Variants in TCF7 observed in about 807,000 individuals in gnomAD.
The protein encoded by TCF7 is T-cell-factor-7.
Under a neutral mutation model 46.8 loss-of-function variants are expected in TCF7, and 19 were observed. That is an observed-to-expected ratio of 0.41 (90% CI 0.28 to 0.60). The LOEUF (loss-of-function observed/expected upper bound fraction) is 0.60. Ranked by LOEUF, TCF7 falls within the 20% of genes least tolerant of loss-of-function variation. The pLI is 0.35. For missense variants in TCF7, 547 were observed against 504.6 expected (o/e 1.08, Z -0.81); for synonymous variants, 245 against 213.4 (o/e 1.15, Z -1.29).
At chr5:134,143,791 C>G in intron 9 of TCF7, 151 bp downstream of exon 9, 1 of 800,858 alleles carries the variant, frequency 1.2e-6, no homozygotes, top group Non-Finnish European at 2.0e-6. Context: ...TCTCACAAGT[C>G]AAATTCCCAT....
intron 3 of TCF7, among the ~76,000 whole-genome samples, chr5:134,135,848 C>T (rs1338952377): frequency 6.6e-6 from 1 of 152,172 alleles, no homozygotes; most frequent in Non-Finnish European, 1.5e-5. Context: ...AGGAGTGGCC[C>T]ATGAAGCTGG....
At chr5:134,114,126 T>C (rs1442482635), upstream of TCF7, among the ~76,000 whole-genome samples, 2 of 151,756 alleles carry the variant, frequency 1.3e-5, no homozygotes, top group African/African-American at 2.4e-5. Context: ...CGAAGGGGGG[T>C]ATACTTATGT....
chr5:134,131,307 G>A lies in TCF7; in HGVS notation c.442-6752G>A, dbSNP rs188353915. On this transcript the variant is annotated intron_variant, in intron 3 of 9. Transcript: ENST00000342854. ...CCTTGCTTCCCACATGTGCGAAATGGGAAGAATGTATCATGCCCACCTCAA... is the reference window on the plus strand; with the variant it reads ...CCTTGCTTCCCACATGTGCGAAATGAGAAGAATGTATCATGCCCACCTCAA... Among the ~76,000 whole-genome samples, 9 of 152,338 alleles carry A rather than the reference G, an allele frequency of 5.9e-5. No homozygotes were observed. In the East Asian group the frequency reaches 1.3e-3, roughly 23 times the overall value.
In TCF7 at chr5:134,114,938, C is replaced by T; in HGVS notation, c.32C>T (p.Ala11Val). 9.1e-7 allele frequency: 1 copy of T among 1,098,096 alleles called. No homozygotes were observed. The highest frequency in any genetic ancestry group is 1.1e-6 in the Non-Finnish European group (1 of 891,386). The allele number at this position is 1,098,096 out of a possible 1,614,324, so 68.0% of individuals were successfully genotyped here. The change falls in exon 1 of 10, where the codon GCG (alanine) becomes GTG (valine). Residue 11 changes from alanine (A) to valine (V), a missense_variant. This residue lies in a region of TCF7 where 425 missense variants were observed against 349.9 expected (regional missense o/e 1.21). Coordinates refer to ENST00000342854, the MANE Select transcript of TCF7 (RefSeq NM_003202.5). ...CAGCTGGACTCCGGCGGGGGCGGCG[C>T]GGGCGGCGGCGACGACCTCGGCGCG... is the stretch of plus-strand genomic sequence containing the variant. MPQLDSGGGG[A>V]GGGDDLGAPD...
Position 134,116,030 on chromosome 5 carries a change from G to A in TCF7, c.438G>A (p.Pro146=). Residue 146 remains proline, a synonymous_variant, in exon 3 of 10, where the codon CCG becomes CCA. Transcript: ENST00000342854. ...GAGQHPQPQP[P]LHKANQPPHG... ...GGCAGCACCCCCAGCCGCAGCCCCC[G>A]CTGGTAAGTGGACCCCGCAGCCAGT... The A allele has an allele frequency of 1.2e-6, 2 of 1,611,422 alleles. No homozygotes were observed. Among genetic ancestry groups the A allele is most frequent in the Non-Finnish European group, 1.7e-6 (2 of 1,178,974 alleles).
Position 134,136,320 on chromosome 5 carries a change from T to C in TCF7, c.442-1739T>C, listed in dbSNP as rs116964900. On this transcript the variant is annotated intron_variant, in intron 3 of 9. Transcript: ENST00000342854. Reference sequence around the variant, plus strand: ...CACATACCCTGCAGCTGCCCCAGCCTCTCTTCTTCCTTGCTAGCCACCTAT... The same window carrying C: ...CACATACCCTGCAGCTGCCCCAGCCCCTCTTCTTCCTTGCTAGCCACCTAT... Among the ~76,000 whole-genome samples the C allele has an allele frequency of 4.7e-4, 72 of 152,220 alleles. 1 individual carries two copies. In the East Asian group the frequency reaches 0.013, roughly 28 times the overall value.
intron 9 of TCF7, chr5:134,144,375 T>C (rs1005845165): frequency 8.5e-6 from 2 of 234,040 alleles, no homozygotes; most frequent in South Asian, 5.7e-5. Flanking sequence ...CTTGAAGGAA[T>C]GTAGGTCAAG....
Position 134,138,997 on chromosome 5 carries a change from G to A in TCF7, c.594G>A (p.Leu198=), listed in dbSNP as rs1220524988. The part of the protein sequence containing the change: ...QTPDLSGFYS[L]TSGSMGQLPH... ...CTGACCTCTCTGGCTTCTACTCCCT[G>A]ACCTCAGGCAGCATGGGGCAGCTCC... Residue 198 remains leucine (L), a synonymous_variant, in exon 5 of 10, where the codon CTG becomes CTA. Transcript: ENST00000342854. The A allele has an allele frequency of 1.2e-6, 2 of 1,613,968 alleles. No individual in the cohort carries two copies. The highest frequency in any genetic ancestry group is 3.3e-4 in the Middle Eastern group (2 of 6,062).
At chr5:134,117,905 C>T (rs991995884) in intron 3 of TCF7, among the ~76,000 whole-genome samples, 1 of 152,216 alleles carries the variant, frequency 6.6e-6, no homozygotes, top group African/African-American at 2.4e-5. Flanking sequence ...GACACTGGCT[C>T]TCTGTGCCCT....
chr5:134,110,748 T>C (rs1755317310), upstream of TCF7, among the ~76,000 whole-genome samples: 1 of 152,204 alleles, frequency 6.6e-6, no homozygotes, highest in Non-Finnish European at 1.5e-5. Flanking sequence ...ACTAAATCCA[T>C]CTGGGGCTCC....
chr5:134,127,125 G>A (rs1279725571), intron 3 of TCF7, among the ~76,000 whole-genome samples: 1 of 152,144 alleles, frequency 6.6e-6, no homozygotes, highest in Non-Finnish European at 1.5e-5. Context: ...AAGAAGCTGG[G>A]TGGTACCCCC....
intron 3 of TCF7, among the ~76,000 whole-genome samples, chr5:134,124,308 A>T (rs1190004693): frequency 6.6e-6 from 1 of 152,130 alleles, no homozygotes; most frequent in Admixed American, 6.5e-5. Flanking sequence ...CCTCCCTTAA[A>T]AATGTGTGGC....
At chr5:134,115,527 G>T (rs529482770) in intron 2 of TCF7, 140 bp downstream of exon 2, 12 of 1,445,628 alleles carry the variant, frequency 8.3e-6, no homozygotes, top group East Asian at 5.5e-5. Context: ...GGTGGAGAGT[G>T]GGGGGCGGGC....
intron 3 of TCF7, among the ~76,000 whole-genome samples, chr5:134,133,154 C>G (rs1758389404): frequency 6.6e-6 from 1 of 152,056 alleles, no homozygotes; most frequent in Non-Finnish European, 1.5e-5. Flanking sequence ...GTGGGGGAGA[C>G]AGAGGGGCAA....
intron 3 of TCF7, among the ~76,000 whole-genome samples, chr5:134,126,896 C>CAA (rs111604522): frequency 2.4e-5 from 3 of 125,732 alleles, no homozygotes; most frequent in Admixed American, 8.2e-5. Context: ...GACTCTATCT[C>CAA]AAAAAAAAAA....
intron 5 of TCF7, chr5:134,141,080 G>C (rs1759680080): frequency 6.5e-6 from 2 of 307,274 alleles, no homozygotes; most frequent in Non-Finnish European, 1.3e-5. Flanking sequence ...GCCTCAGCCT[G>C]GGCCACACCG....
In TCF7 at chr5:134,115,401, C is replaced by T. The variant is rs202240983; in HGVS notation, c.316+14C>T. On this transcript the variant is annotated intron_variant, in intron 2 of 9. Transcript: ENST00000342854. ...CCCTGGAGGACGGTGAGTTTCTGCC[C>T]GGCCCGGCTTCCCTTCGTCGCGCTC... 5.1e-5 allele frequency: 82 copies of T among 1,592,706 alleles called. No individual in the cohort carries two copies. The East Asian group carries it at 1.7e-3, about 32-fold the overall frequency.
chr5:134,138,783 G>C, intron 4 of TCF7, 168 bp from the exon 5 acceptor site: 1 of 1,097,568 alleles, frequency 9.1e-7, no homozygotes, highest in Non-Finnish European at 1.3e-6. Context: ...CTGTCAAAGG[G>C]GCACTATTAT....
At chr5:134,110,345 A>T (rs986334777), upstream of TCF7, among the ~76,000 whole-genome samples, 7 of 152,188 alleles carry the variant, frequency 4.6e-5, no homozygotes, top group African/African-American at 1.7e-4. Context: ...TTCCTTCCTT[A>T]TGAAGAAAGA....
Sources: allele counts gnomAD v4.1 joint callset (sites outside exome capture counted in the v4.1 genomes callset), GRCh38; gene constraint gnomAD v4.1.1; regional missense constraint gnomAD v4.1.1; transcripts MANE v1.5; gene names NCBI Gene and HGNC (gene_info 2026-07-23, HGNC 2026-07-21).